Variants in TBC1D10A observed in about 807,000 individuals in gnomAD.
The protein encoded by TBC1D10A is TBC1 domain family member 10A.
In TBC1D10A, 24 loss-of-function variants were observed where a neutral mutation model predicts 52.9. The observed-to-expected ratio is 0.45, with a 90% confidence interval of 0.33 to 0.64. The LOEUF (loss-of-function observed/expected upper bound fraction) is 0.64, where lower values mean the gene tolerates loss of function less well. TBC1D10A is among the 30% of genes least tolerant of loss of function. The probability of loss-of-function intolerance (pLI) is 0.02; values close to 1 mark genes in which losing one functional copy is unlikely to be tolerated. For missense variants in TBC1D10A, 602 were observed against 687.9 expected (o/e 0.88, Z 1.40); for synonymous variants, 278 against 282.9 (o/e 0.98, Z 0.17).
rs202013243 is a variant in TBC1D10A, at chr22:30,306,890, A to AT, written c.210-2261dup. 2.9e-3 allele frequency among the ~76,000 whole-genome samples: 448 copies of AT among 152,056 alleles called. 3 individuals are homozygous for AT. Among genetic ancestry groups the AT allele is most frequent in the African/African-American group, 9.8e-3 (407 of 41,488 alleles). ...ACTCCTGAAACATTGCAGGCTATCT[A>AT]TTTTTTTTGTTGTTAAATCAGAAGA... On this transcript the variant is annotated intron_variant, in intron 1 of 8. Coordinates refer to ENST00000215790, the MANE Select transcript of TBC1D10A (RefSeq NM_031937.3).
At chr22:30,301,069 G>C (rs1930192036) in intron 2 of TBC1D10A, among the ~76,000 whole-genome samples, 1 of 152,210 alleles carries the variant, frequency 6.6e-6, no homozygotes, top group South Asian at 2.1e-4. Flanking sequence ...CACACAAGCA[G>C]AGTGGGGGTA....
At chr22:30,300,005 C>T (rs548468579) in intron 2 of TBC1D10A, among the ~76,000 whole-genome samples, 2 of 151,810 alleles carry the variant, frequency 1.3e-5, no homozygotes, top group Non-Finnish European at 2.9e-5. Context: ...TGCTACCATG[C>T]CAATCCTATG....
chr22:30,322,945 G>A (rs1168644379), intron 1 of TBC1D10A, among the ~76,000 whole-genome samples: 1 of 145,832 alleles, frequency 6.9e-6, no homozygotes, highest in Non-Finnish European at 1.5e-5. Flanking sequence ...AGAAAGAGCT[G>A]GGTGGAGCAC....
intron 1 of TBC1D10A, among the ~76,000 whole-genome samples, chr22:30,319,634 A>G (rs1930610849): frequency 6.6e-6 from 1 of 152,168 alleles, no homozygotes; most frequent in Non-Finnish European, 1.5e-5. Flanking sequence ...AGGATGAGAC[A>G]GAGAAAGCCA....
At chr22:30,318,915 C>T in intron 1 of TBC1D10A, 1 of 350,284 alleles carries the variant, frequency 2.9e-6, no homozygotes, top group Non-Finnish European at 5.7e-6. Context: ...CAACCCATTT[C>T]CTGGACTAAC....
chr22:30,299,661 G>C, intron 2 of TBC1D10A, 110 bp from the exon 3 acceptor site: 1 of 972,706 alleles, frequency 1.0e-6, no homozygotes, highest in South Asian at 1.6e-5. Context: ...AGCAAGAGCA[G>C]AAACAGGGAG....
Position 30,293,560 on chromosome 22 carries a change from C to T in TBC1D10A, c.1050+91G>A, listed in dbSNP as rs990231454. 3.9e-6 allele frequency: 6 copies of T among 1,528,148 alleles called. No homozygotes were observed. In the African/African-American group the frequency reaches 8.3e-5, roughly 21 times the overall value. The allele number at this position is 1,528,148 out of a possible 1,614,324, so 94.7% of individuals were successfully genotyped here. On this transcript the variant is annotated intron_variant, in intron 8 of 8. Transcript: ENST00000215790. ...GCAATGGTCCTGGCATAGGATCCAC[C>T]CTCAGGGGCTGAGGGTTAGCGGGAC...
intron 1 of TBC1D10A, among the ~76,000 whole-genome samples, chr22:30,313,403 A>G (rs1930468228): frequency 6.8e-6 from 1 of 147,740 alleles, no homozygotes; most frequent in Admixed American, 6.8e-5. Context: ...TGTTGTTTTG[A>G]GACGGAGTCT....
At chr22:30,293,378 T>C in intron 8 of TBC1D10A, 1 of 694,230 alleles carries the variant, frequency 1.4e-6, no homozygotes, top group Non-Finnish European at 2.7e-6. Flanking sequence ...AGGCTGCGAA[T>C]GGGGTACCAG....
At chr22:30,309,956 C>T (rs1930392516) in intron 1 of TBC1D10A, among the ~76,000 whole-genome samples, 1 of 152,138 alleles carries the variant, frequency 6.6e-6, no homozygotes, top group African/African-American at 2.4e-5. Flanking sequence ...CCAAGGAACC[C>T]GTCTAAACCC....
At chr22:30,314,969 T>G (rs1379257673) in intron 1 of TBC1D10A, among the ~76,000 whole-genome samples, 1 of 152,198 alleles carries the variant, frequency 6.6e-6, no homozygotes, top group East Asian at 1.9e-4. Context: ...GTTGCAAGCC[T>G]TGAGTGGAAT....
chr22:30,305,228 C>T (rs913928277), intron 1 of TBC1D10A, among the ~76,000 whole-genome samples: 6 of 152,222 alleles, frequency 3.9e-5, no homozygotes, highest in Non-Finnish European at 8.8e-5. Flanking sequence ...CTTCTTCTAT[C>T]TGTAGATCTA....
At chr22:30,293,040 GA>G (rs980348260) in intron 8 of TBC1D10A, 189 bp from the exon 9 acceptor site, 1 of 645,400 alleles carries the variant, frequency 1.5e-6, no homozygotes, top group African/African-American at 1.8e-5. Context: ...AGGTGAGCTG[GA>G]CACTTGAGAC....
At position 30,297,507 on chromosome 22, in the gene TBC1D10A, T is replaced by A. The variant is rs1462096435; in HGVS notation, c.418-1664A>T. 6.6e-6 allele frequency: 1 copy of A among 151,982 alleles called. No individual in the cohort carries two copies. The highest frequency in any genetic ancestry group is 1.5e-5 in the Non-Finnish European group (1 of 68,054). The allele number at this position is 151,982 out of a possible 1,614,324, so 9.4% of individuals were successfully genotyped here. A position where few individuals can be genotyped will look rare whatever the true frequency, so the allele number is the denominator to read the frequency against. On this transcript the variant is annotated intron_variant, in intron 3 of 8. Transcript: ENST00000215790. The surrounding 1 kb of genome is among the most constrained non-coding windows in gnomAD (Gnocchi z 4.3). ...TGGTTGGTGAGAAAGGAAAAGAGGG[T>A]AGCTGCAGATCGAAAGGGCACCGGC...
intron 1 of TBC1D10A, among the ~76,000 whole-genome samples, chr22:30,316,840 A>G (rs1569164127): frequency 6.6e-6 from 1 of 151,848 alleles, no homozygotes; most frequent in Non-Finnish European, 1.5e-5. Context: ...GGAGTTTGAA[A>G]CCAGCCTGGG....
intron 4 of TBC1D10A, 138 bp downstream of exon 4, chr22:30,295,599 A>G: frequency 3.7e-6 from 3 of 813,948 alleles, no homozygotes; most frequent in Admixed American, 2.4e-5. Flanking sequence ...CATCAGACTC[A>G]AACCAAAAAA....
chr22:30,293,748 G>A lies in TBC1D10A; in HGVS notation c.953C>T (p.Pro318Leu), dbSNP rs897511820. ...LVLLKHALGS[P>L]EKVKACQGQY... ...GCCCTGGCAGGCTTTGACCTTCTCA[G>A]GGGAGCCCAGCGCGTGCTTCAGCAG... Residue 318 changes from proline (P) to leucine (L), a missense_variant, in exon 8 of 9, where the codon CCT (proline) becomes CTT (leucine). Around this residue, in one of 3 missense-constraint regions of TBC1D10A, gnomAD observed 265 missense variants for 275.1 expected, o/e 0.96. Transcript: ENST00000215790. 2.5e-6 allele frequency: 4 copies of A among 1,613,080 alleles called. No homozygotes were observed. In the African/African-American group the frequency reaches 5.3e-5, roughly 22 times the overall value.
chr22:30,326,234 G>C (rs1417089283), intron 1 of TBC1D10A, among the ~76,000 whole-genome samples: 1 of 150,614 alleles, frequency 6.6e-6, no homozygotes, highest in Non-Finnish European at 1.5e-5. Flanking sequence ...AAGGGCGTCT[G>C]TGGGTTTGTG....
chr22:30,321,800 C>T (rs1930657780), intron 1 of TBC1D10A, among the ~76,000 whole-genome samples: 2 of 152,158 alleles, frequency 1.3e-5, no homozygotes, highest in Non-Finnish European at 2.9e-5. Context: ...TCACCTCCCT[C>T]GGGCCAGGAG....
Sources: allele counts gnomAD v4.1 joint callset (sites outside exome capture counted in the v4.1 genomes callset), GRCh38; gene constraint gnomAD v4.1.1; regional missense constraint gnomAD v4.1.1; non-coding constraint Gnocchi (gnomAD v3.1); transcripts MANE v1.5; gene names NCBI Gene and HGNC (gene_info 2026-07-23, HGNC 2026-07-21).